RCAN1: variants seen among roughly 807,000 people sequenced by gnomAD.
RCAN1 encodes the protein calcipressin-1.
A neutral mutation model predicts 22.9 loss-of-function variants in RCAN1; 11 were observed. That is an observed-to-expected ratio of 0.48 (90% confidence interval 0.30 to 0.79). RCAN1 has a LOEUF of 0.79. Ranked by LOEUF, RCAN1 falls within the 30% of genes least tolerant of loss-of-function variation. The probability of loss-of-function intolerance (pLI) is 0.06; values close to 1 mark genes in which losing one functional copy is unlikely to be tolerated. For missense variants in RCAN1, 291 were observed against 337.8 expected (o/e 0.86, Z 1.09); for synonymous variants, 136 against 142.3 (o/e 0.96, Z 0.32).
chr21:34,591,740 T>C (rs1050068754), intron 1 of RCAN1, among the ~76,000 whole-genome samples: 2 of 152,238 alleles, frequency 1.3e-5, no homozygotes, highest in Non-Finnish European at 2.9e-5. Flanking sequence ...TATGTTGCGC[T>C]AATACGTAAA....
At chr21:34,528,439 A>G (rs1243170928) in intron 1 of RCAN1, among the ~76,000 whole-genome samples, 2 of 152,228 alleles carry the variant, frequency 1.3e-5, no homozygotes, top group African/African-American at 4.8e-5. Flanking sequence ...ATGTATTCCA[A>G]AAAAGTGTAG....
Position 34,516,841 on chromosome 21 carries a change from A to T in RCAN1, c.*1243T>A, listed in dbSNP as rs1034807049. On this transcript the variant is annotated 3_prime_UTR_variant, in exon 4 of 4. Transcript: ENST00000313806. ...AATATAATACCTATTTACCAGACAT[A>T]CACATTACAACTAGAAAAAAATTAC... The T allele has an allele frequency of 2.6e-5, 4 of 152,610 alleles. No homozygotes were observed. The highest frequency in any genetic ancestry group is 1.3e-4 in the Admixed American group (2 of 15,292). 9.5% of individuals were successfully genotyped at this position (152,610 alleles called of 1,614,324 possible).
intron 1 of RCAN1, among the ~76,000 whole-genome samples, chr21:34,567,593 G>T (rs78658468): frequency 0.031 from 4,727 of 150,392 alleles, 181 homozygotes; most frequent in East Asian, 0.11. Context: ...TGAATACTTC[G>T]AAAGTTGAGA....
chr21:34,560,863 C>T (rs573830714), intron 1 of RCAN1, among the ~76,000 whole-genome samples: 15 of 152,212 alleles, frequency 9.9e-5, no homozygotes, highest in Middle Eastern at 6.8e-3. Flanking sequence ...GACTATAAAG[C>T]CATTCTGACT....
chr21:34,597,792 G>T (rs1386544071), intron 1 of RCAN1, among the ~76,000 whole-genome samples: 1 of 152,144 alleles, frequency 6.6e-6, no homozygotes, highest in Non-Finnish European at 1.5e-5. Flanking sequence ...AAATGCAAAA[G>T]AATCAACTAT....
chr21:34,574,164 C>G (rs1987328481), intron 1 of RCAN1, among the ~76,000 whole-genome samples: 1 of 152,182 alleles, frequency 6.6e-6, no homozygotes, highest in Non-Finnish European at 1.5e-5. Flanking sequence ...AAGGATGTTT[C>G]AAGAGAGACA....
chr21:34,575,595 T>G (rs1013246115), intron 1 of RCAN1, among the ~76,000 whole-genome samples: 3 of 152,166 alleles, frequency 2.0e-5, no homozygotes, highest in African/African-American at 7.2e-5. Context: ...CGATCATGGC[T>G]CACTGCAGCC....
At chr21:34,525,453 C>T in intron 1 of RCAN1, 2 of 1,357,408 alleles carry the variant, frequency 1.5e-6, no homozygotes, top group Non-Finnish European at 1.9e-6. Flanking sequence ...CTCTCTTGAG[C>T]ACGGGCAAGT....
In RCAN1 at chr21:34,516,499, A is replaced by G. The variant is rs928913253; in HGVS notation, c.*1585T>C. The stretch of plus-strand genomic sequence containing the variant: ...AAATGACAACTTTTCTGTAAGGAGC[A>G]TACTGTGCCCATTTATTATAGAATG... On this transcript the variant is annotated 3_prime_UTR_variant, in exon 4 of 4. Transcript: ENST00000313806. 6.6e-6 allele frequency: 1 copy of G among 152,244 alleles called. No homozygotes were observed. Among genetic ancestry groups the G allele is most frequent in the Non-Finnish European group, 1.5e-5 (1 of 68,044 alleles). 9.4% of individuals were successfully genotyped at this position (152,244 alleles called of 1,614,324 possible). A position where few individuals can be genotyped will look rare whatever the true frequency, so the allele number is the denominator to read the frequency against.
chr21:34,611,230 A>G (rs1301450476), intron 1 of RCAN1, among the ~76,000 whole-genome samples: 1 of 152,206 alleles, frequency 6.6e-6, no homozygotes, highest in Non-Finnish European at 1.5e-5. Context: ...GCTTTTCTAA[A>G]TAGAAAAGAA....
intron 1 of RCAN1, among the ~76,000 whole-genome samples, chr21:34,588,013 T>G (rs1024647441): frequency 2.0e-5 from 3 of 152,222 alleles, no homozygotes; most frequent in Non-Finnish European, 4.4e-5. Context: ...AGTTCATTCC[T>G]GGGTCTCCAG....
chr21:34,532,666 CAA>C (rs897431864), intron 1 of RCAN1, among the ~76,000 whole-genome samples: 10 of 152,332 alleles, frequency 6.6e-5, no homozygotes, highest in Non-Finnish European at 1.2e-4. Flanking sequence ...CTCTTTGACA[CAA>C]GAGTCATTCA....
chr21:34,548,996 T>C (rs985422797), intron 1 of RCAN1, among the ~76,000 whole-genome samples: 3 of 152,224 alleles, frequency 2.0e-5, no homozygotes, highest in Non-Finnish European at 2.9e-5. Context: ...AAACAGTTCG[T>C]TGTGGTCCAA....
intron 1 of RCAN1, among the ~76,000 whole-genome samples, chr21:34,542,368 G>A (rs917670886): frequency 2.0e-5 from 3 of 152,008 alleles, no homozygotes; most frequent in Non-Finnish European, 4.4e-5. Flanking sequence ...GTTCTCTCGG[G>A]GCACTTCCTC....
intron 1 of RCAN1, chr21:34,524,778 G>C (rs1289120784): frequency 2.0e-5 from 6 of 294,284 alleles, no homozygotes; most frequent in Non-Finnish European, 3.2e-5. Flanking sequence ...CAAAGCTCGA[G>C]GTGGGGGATT....
At chr21:34,546,157 G>T (rs1010458802) in intron 1 of RCAN1, among the ~76,000 whole-genome samples, 21 of 152,160 alleles carry the variant, frequency 1.4e-4, no homozygotes, top group Admixed American at 9.8e-4. Context: ...AAATAAAATA[G>T]ATAACAAACA....
At chr21:34,525,705 T>G (rs561637292) in intron 1 of RCAN1, 2 of 200,714 alleles carry the variant, frequency 1.0e-5, no homozygotes, top group South Asian at 3.7e-4. Context: ...TTCTAATAAC[T>G]GATACCTAGT....
At chr21:34,592,006 TG>T (rs1568926677) in intron 1 of RCAN1, among the ~76,000 whole-genome samples, 1 of 152,178 alleles carries the variant, frequency 6.6e-6, no homozygotes, top group Admixed American at 6.5e-5. Flanking sequence ...TTAAGAAAGC[TG>T]GGGGGAAAGG....
chr21:34,595,737 A>G (rs1158103998), intron 1 of RCAN1, among the ~76,000 whole-genome samples: 2 of 152,222 alleles, frequency 1.3e-5, no homozygotes, highest in Admixed American at 6.5e-5. Context: ...CTGGAAGGGC[A>G]CTGCTCCCAA....
Sources: allele counts gnomAD v4.1 joint callset (sites outside exome capture counted in the v4.1 genomes callset), GRCh38; gene constraint gnomAD v4.1.1; transcripts MANE v1.5; gene names NCBI Gene and HGNC (gene_info 2026-07-23, HGNC 2026-07-21).